Variants in UBE2L3 observed in about 807,000 individuals in gnomAD.
UBE2L3 encodes the protein ubiquitin conjugating enzyme E2 L3.
Under a neutral mutation model 17.8 loss-of-function variants are expected in UBE2L3, and 1 was observed. The ratio of observed to expected loss-of-function variants is 0.06; its 90% CI spans 0.02 to 0.27. The LOEUF (loss-of-function observed/expected upper bound fraction) is 0.27, where lower values mean the gene tolerates loss of function less well. UBE2L3 is among the 10% of genes least tolerant of loss of function. The pLI is 1.00. For synonymous variants in UBE2L3, 44 were observed against 68.5 expected (o/e 0.64, Z 1.76); for missense variants, 40 against 192.6 (o/e 0.21, Z 4.69).
chr22:21,623,805 G>A lies in UBE2L3; in HGVS notation c.*2136G>A, dbSNP rs1930173716. The A allele has an allele frequency of 2.6e-5, 4 of 152,730 alleles. No homozygotes were observed. 9.5% of individuals were successfully genotyped at this position (152,730 alleles called of 1,614,324 possible). ...TAGGCTCTGAGCAAGCTGGCGAACAGCCCTGGCTGCTCCAAAACCAAAAAG... is the reference window on the plus strand; with the variant it reads ...TAGGCTCTGAGCAAGCTGGCGAACAACCCTGGCTGCTCCAAAACCAAAAAG... On this transcript the variant is annotated 3_prime_UTR_variant, in exon 4 of 4. Coordinates refer to ENST00000342192, the MANE Select transcript of UBE2L3 (RefSeq NM_003347.4).
At chr22:21,589,495 G>A (rs1457313663) in intron 1 of UBE2L3, among the ~76,000 whole-genome samples, 1 of 152,166 alleles carries the variant, frequency 6.6e-6, no homozygotes, top group Non-Finnish European at 1.5e-5. Flanking sequence ...ACCGTCTTGT[G>A]CAGTGCAGGT....
chr22:21,587,546 G>A (rs1049204833), intron 1 of UBE2L3, among the ~76,000 whole-genome samples: 1 of 152,220 alleles, frequency 6.6e-6, no homozygotes, highest in Non-Finnish European at 1.5e-5. Context: ...TACCTGGGGA[G>A]ATTTTGAACA....
In UBE2L3 at chr22:21,614,578, T is replaced by C. The variant is rs186477191; in HGVS notation, c.310+3535T>C. ...TTAGAAACTTCAGCGTTCCCAATTA[T>C]GGCTTCTCTCAGATCCAGCCTTGAA... On this transcript the variant is annotated intron_variant, in intron 3 of 3. Coordinates refer to ENST00000342192, the MANE Select transcript of UBE2L3 (RefSeq NM_003347.4). The C allele has an allele frequency of 6.1e-5, 83 of 1,367,612 alleles. No homozygotes were observed. The African/African-American group carries it at 1.0e-3, about 17-fold the overall frequency. 84.7% of individuals were successfully genotyped at this position (1,367,612 alleles called of 1,614,324 possible). A position where few individuals can be genotyped will look rare whatever the true frequency, so the allele number is the denominator to read the frequency against.
intron 1 of UBE2L3, among the ~76,000 whole-genome samples, chr22:21,561,218 T>G (rs1315309516): frequency 3.9e-5 from 6 of 152,304 alleles, no homozygotes; most frequent in Non-Finnish European, 1.5e-5. Flanking sequence ...ATGGGGTTGA[T>G]AGCAGTTCTG....
At chr22:21,572,155 C>G (rs1050186351) in intron 1 of UBE2L3, among the ~76,000 whole-genome samples, 7 of 152,050 alleles carry the variant, frequency 4.6e-5, no homozygotes, top group Non-Finnish European at 8.8e-5. Flanking sequence ...CTGAGGCAGG[C>G]CAGGCGTGGT....
chr22:21,579,498 C>T (rs998774982), intron 1 of UBE2L3, among the ~76,000 whole-genome samples: 5 of 152,056 alleles, frequency 3.3e-5, no homozygotes, highest in African/African-American at 4.8e-5. Context: ...TGGCCAGGCA[C>T]GGTGGCTCAT....
At chr22:21,593,069 T>TG in intron 2 of UBE2L3, 113 bp downstream of exon 2, 1 of 851,418 alleles carries the variant, frequency 1.2e-6, no homozygotes, top group Non-Finnish European at 1.9e-6. Flanking sequence ...AGCCAGCAGA[T>TG]GCACAGAAGT....
At chr22:21,610,717 C>A in intron 2 of UBE2L3, 140 bp from the exon 3 acceptor site, 1 of 941,014 alleles carries the variant, frequency 1.1e-6, no homozygotes, top group Non-Finnish European at 1.5e-6. Flanking sequence ...GCTGGGTTGT[C>A]CTGAAGGTGG....
chr22:21,576,428 G>C (rs1192687712), intron 1 of UBE2L3, among the ~76,000 whole-genome samples: 1 of 151,814 alleles, frequency 6.6e-6, no homozygotes, highest in African/African-American at 2.4e-5. Context: ...CTCCCGAGTA[G>C]CCAGGACTAC....
upstream of UBE2L3, among the ~76,000 whole-genome samples, chr22:21,564,602 G>C (rs938348903): frequency 2.0e-5 from 3 of 152,186 alleles, no homozygotes; most frequent in African/African-American, 7.2e-5. Context: ...CTTGCAGGCA[G>C]CGGTGAGGAT....
At chr22:21,589,417 G>A (rs2148419399) in intron 1 of UBE2L3, among the ~76,000 whole-genome samples, 1 of 152,290 alleles carries the variant, frequency 6.6e-6, no homozygotes, top group East Asian at 1.9e-4. Flanking sequence ...GAAATGCTGG[G>A]ATTACAGGCG....
At chr22:21,567,297 GA>G (rs1926675792), upstream of UBE2L3, among the ~76,000 whole-genome samples, 2 of 152,080 alleles carry the variant, frequency 1.3e-5, no homozygotes, top group South Asian at 4.1e-4. Context: ...CTGAGTAGCA[GA>G]GATTACAGGC....
chr22:21,608,125 C>G (rs1929275006), intron 2 of UBE2L3, among the ~76,000 whole-genome samples: 1 of 152,130 alleles, frequency 6.6e-6, no homozygotes, highest in Non-Finnish European at 1.5e-5. Context: ...GACCAAAATC[C>G]AGAACACTGC....
At position 21,606,484 on chromosome 22, in the gene UBE2L3, A is replaced by T. The variant is rs539156996; in HGVS notation, c.124-4373A>T. On this transcript the variant is annotated intron_variant, in intron 2 of 3. Transcript: ENST00000342192. ...CCCAGTGAGGGAAAGCTATTTTTAC[A>T]TGGCTCAAGCAGTGTAAATGACAAT... is the stretch of plus-strand genomic sequence containing the variant. Among the ~76,000 whole-genome samples, 10 of 152,232 alleles carry T rather than the reference A, an allele frequency of 6.6e-5. No individual in the cohort carries two copies. In the South Asian group the frequency reaches 1.9e-3, roughly 28 times the overall value.
Position 21,603,836 on chromosome 22 carries a change from C to CA in UBE2L3, c.124-7010dup, listed in dbSNP as rs903922965. On this transcript the variant is annotated intron_variant, in intron 2 of 3. Coordinates refer to ENST00000342192, the MANE Select transcript of UBE2L3 (RefSeq NM_003347.4). Reference sequence around the variant, plus strand: ...TGGGCGACAGAGCCAGACTCTGTCTCAAAAAAAAAAAGACAAGTGGATAAA... The same window carrying CA: ...TGGGCGACAGAGCCAGACTCTGTCTCAAAAAAAAAAAAGACAAGTGGATAAA... Among the ~76,000 whole-genome samples, 890 of 105,318 alleles carry CA rather than the reference C, an allele frequency of 8.5e-3. 3 individuals are homozygous for CA. Among genetic ancestry groups the CA allele is most frequent in the Non-Finnish European group, 0.013 (631 of 48,432 alleles). 69.1% of individuals were successfully genotyped at this position (105,318 alleles called of 152,430 possible). A position where few individuals can be genotyped will look rare whatever the true frequency, so the allele number is the denominator to read the frequency against.
intron 2 of UBE2L3, among the ~76,000 whole-genome samples, chr22:21,604,868 G>C (rs1398642009): frequency 6.6e-6 from 1 of 152,216 alleles, no homozygotes; most frequent in Non-Finnish European, 1.5e-5. Context: ...GAGAAGTTCA[G>C]ATGAGTTTGG....
chr22:21,560,800 T>C (rs1926405837), intron 1 of UBE2L3, among the ~76,000 whole-genome samples: 1 of 150,698 alleles, frequency 6.6e-6, no homozygotes, highest in African/African-American at 2.4e-5. Flanking sequence ...AACTTGAGGC[T>C]TTGCCCACTT....
intron 1 of UBE2L3, among the ~76,000 whole-genome samples, chr22:21,589,387 T>C: frequency 6.6e-6 from 1 of 151,876 alleles, no homozygotes; most frequent in African/African-American, 2.4e-5. Context: ...GACCTCGTGA[T>C]CCGCCCACCT....
At chr22:21,596,369 A>G (rs1928524081) in intron 2 of UBE2L3, among the ~76,000 whole-genome samples, 1 of 151,526 alleles carries the variant, frequency 6.6e-6, no homozygotes, top group Admixed American at 6.6e-5. Flanking sequence ...TTTTTATTTT[A>G]TTCCATTTTA....
Sources: gnomAD v4.1 joint callset for allele counts (sites outside exome capture counted in the v4.1 genomes callset) on GRCh38, gnomAD v4.1.1 for gene constraint, MANE v1.5 for transcripts, NCBI Gene and HGNC (gene_info 2026-07-23, HGNC 2026-07-21) for gene names.